NIBAN3: variants seen among roughly 807,000 people sequenced by gnomAD.
The protein encoded by NIBAN3 is niban apoptosis regulator 3, also known as protein Niban 3.
In NIBAN3, 66 loss-of-function variants were observed where a neutral mutation model predicts 76.4. The observed-to-expected ratio is 0.86, with a 90% CI of 0.71 to 1.06. NIBAN3 has a LOEUF of 1.06. NIBAN3 is among the 50% of genes least tolerant of loss of function. NIBAN3 has a pLI of 0.00. For missense variants in NIBAN3, 808 were observed against 810.7 expected (o/e 1.00, Z 0.04); for synonymous variants, 360 against 355.2 (o/e 1.01, Z -0.15).
At position 17,543,543 on chromosome 19, in the gene NIBAN3, G is replaced by A; in HGVS notation, c.1466G>A (p.Gly489Glu). Residue 489 changes from glycine to glutamate, a missense_variant, in exon 12 of 15, where the codon GGG becomes GAG. By Grantham distance (98) the Gly-to-Glu change is moderately conservative. Coordinates refer to ENST00000599164, the MANE Select transcript of NIBAN3 (RefSeq NM_001321827.2). ...GTGCAGAAATTCAAATCGGACAGCG[G>A]GTTGGCGCAGAGGAGGTTCATCCGA... ...RVLKKFKSDS[G>E]LAQRRFIRGW... The A allele has an allele frequency of 1.2e-6, 2 of 1,614,194 alleles. No individual in the cohort carries two copies. The highest frequency in any genetic ancestry group is 1.7e-6 in the Non-Finnish European group (2 of 1,180,044).
chr19:17,550,024 T>G (rs1254283997), intron 14 of NIBAN3, among the ~76,000 whole-genome samples: 1 of 152,088 alleles, frequency 6.6e-6, no homozygotes, highest in East Asian at 1.9e-4. Context: ...TTCACCATGT[T>G]GGCCAGGCTG....
chr19:17,536,186 CTTCTTCTTTTTGTTTTT>C (rs984725668), intron 4 of NIBAN3, among the ~76,000 whole-genome samples: 1 of 152,042 alleles, frequency 6.6e-6, no homozygotes, highest in African/African-American at 2.4e-5. Context: ...CTTTTCTTTT[CTTCTTCTTTTTGTTTTT>C]GGACAGAGTC....
intron 14 of NIBAN3, among the ~76,000 whole-genome samples, chr19:17,550,657 C>A (rs2076139366): frequency 6.6e-6 from 1 of 152,010 alleles, no homozygotes; most frequent in Non-Finnish European, 1.5e-5. Context: ...CAGAGAGAGA[C>A]CCTGTCTCAA....
At chr19:17,540,030 T>G (rs1043458760) in intron 8 of NIBAN3, 7 of 409,206 alleles carry the variant, frequency 1.7e-5, no homozygotes, top group African/African-American at 2.3e-5. Flanking sequence ...GGGGGCTGCT[T>G]GGATACAAAA....
intron 3 of NIBAN3, 33 bp downstream of exon 3, chr19:17,532,421 G>A: frequency 6.2e-7 from 1 of 1,614,084 alleles, no homozygotes; most frequent in South Asian, 1.1e-5. Flanking sequence ...TTCTACTTCT[G>A]GGTCCCTCCT....
At chr19:17,526,300 G>T (rs1342576118), upstream of NIBAN3, among the ~76,000 whole-genome samples, 1 of 150,242 alleles carries the variant, frequency 6.7e-6, no homozygotes, top group Non-Finnish European at 1.5e-5. Context: ...GCGACAGTGC[G>T]AGAGTCTGTC....
At chr19:17,544,873 A>C (rs1184997936) in intron 12 of NIBAN3, among the ~76,000 whole-genome samples, 1 of 152,150 alleles carries the variant, frequency 6.6e-6, no homozygotes, top group African/African-American at 2.4e-5. Context: ...TAATCCCATG[A>C]ATCCTTTCCA....
chr19:17,528,860 A>C (rs545358170), intron 1 of NIBAN3, among the ~76,000 whole-genome samples: 1 of 151,884 alleles, frequency 6.6e-6, no homozygotes, highest in Non-Finnish European at 1.5e-5. Flanking sequence ...TTTTTGGGTC[A>C]AGTCATGACC....
chr19:17,547,088 C>T lies in NIBAN3; in HGVS notation c.1666+291C>T, dbSNP rs559923938. 5.8e-4 allele frequency among the ~76,000 whole-genome samples: 88 copies of T among 152,034 alleles called. 1 individual carries two copies. Among genetic ancestry groups the T allele is most frequent in the African/African-American group, 1.8e-3 (73 of 41,520 alleles). ...CTGATAGAGGCTGGGTGTGGTGGCTCACACCTGTAATCCCAGCACTTTGGA... is the reference window on the plus strand; with the variant it reads ...CTGATAGAGGCTGGGTGTGGTGGCTTACACCTGTAATCCCAGCACTTTGGA... On this transcript the variant is annotated intron_variant, in intron 13 of 14. Coordinates refer to ENST00000599164, the MANE Select transcript of NIBAN3 (RefSeq NM_001321827.2).
intron 8 of NIBAN3, 83 bp downstream of exon 8, chr19:17,539,848 C>T: frequency 3.9e-6 from 4 of 1,018,890 alleles, no homozygotes; most frequent in Non-Finnish European, 4.0e-6. Context: ...GAAGAATGGG[C>T]TTGAAGTTAT....
chr19:17,527,029 G>A (rs113620315), upstream of NIBAN3, among the ~76,000 whole-genome samples: 1,288 of 152,082 alleles, frequency 8.5e-3, 17 homozygotes, highest in African/African-American at 0.029. Flanking sequence ...CATACACAAC[G>A]ACTGCTGGCC....
downstream of NIBAN3, chr19:17,553,871 C>CTTTT (rs368209352): frequency 1.6e-4 from 22 of 141,152 alleles, no homozygotes; most frequent in South Asian, 7.1e-4. Context: ...TTGTTTTTAC[C>CTTTT]TTTTTTTTTT....
At position 17,553,279 on chromosome 19, in the gene NIBAN3, C is replaced by T. The variant is rs187823434; in HGVS notation, c.*1381C>T. On this transcript the variant is annotated 3_prime_UTR_variant, in exon 15 of 15. Transcript: ENST00000599164. The stretch of plus-strand genomic sequence containing the variant: ...TTACAGATTTTGGGGTTTTTTTCTC[C>T]GCTTGCTGTGAGCCTTTTGGGTTTG... 1.2e-4 allele frequency: 194 copies of T among 1,601,878 alleles called. 1 individual carries two copies. The Admixed American group carries it at 1.3e-3, about 11-fold the overall frequency.
rs778752017 is a variant in NIBAN3 at position 17,543,504 on chromosome 19, C to T, written c.1447-20C>T. On this transcript the variant is annotated intron_variant, in intron 11 of 14. Transcript: ENST00000599164. Reference sequence around the variant, plus strand: ...GGTGCTCAGATGGTTGCTGGACGCACCGCTGGGTGTGTTGTGCAGAAATTC... The same window carrying T: ...GGTGCTCAGATGGTTGCTGGACGCATCGCTGGGTGTGTTGTGCAGAAATTC... The T allele has an allele frequency of 4.3e-6, 7 of 1,613,550 alleles. No homozygotes were observed. The South Asian group carries it at 4.4e-5, about 10-fold the overall frequency.
intron 5 of NIBAN3, 103 bp downstream of exon 5, chr19:17,537,646 C>T: frequency 8.3e-7 from 1 of 1,210,232 alleles, no homozygotes; most frequent in Non-Finnish European, 1.1e-6. Flanking sequence ...CTTTCTTTAC[C>T]CAGAAAATGG....
intron 4 of NIBAN3, among the ~76,000 whole-genome samples, chr19:17,535,745 CAAA>C (rs1163900162): frequency 5.8e-5 from 5 of 86,002 alleles, no homozygotes; most frequent in South Asian, 4.1e-4. Context: ...AAGACTCTGT[CAAA>C]AAAAAAAAAA....
chr19:17,530,282 G>C (rs8107745), intron 1 of NIBAN3, among the ~76,000 whole-genome samples: 52,245 of 151,218 alleles, frequency 0.35, 10,515 homozygotes, highest in African/African-American at 0.56. Context: ...GATCGTGCCA[G>C]CGCACTCCAG....
chr19:17,523,903 T>G (rs991010446), upstream of NIBAN3, among the ~76,000 whole-genome samples: 6 of 152,156 alleles, frequency 3.9e-5, no homozygotes, highest in African/African-American at 1.4e-4. Flanking sequence ...CTTTCTTTTT[T>G]GGGGGGACAC....
Position 17,537,442 on chromosome 19 carries a change from A to C in NIBAN3, c.494A>C (p.Gln165Pro). 3 of 1,614,116 alleles carry C rather than the reference A, an allele frequency of 1.9e-6. No homozygotes were observed. Among genetic ancestry groups the C allele is most frequent in the African/African-American group, 1.3e-5 (1 of 75,046 alleles). ...CCTGTGAGCTTCCCGCTGTTCCTGC[A>C]GCACCCCTTCCGCCGGCACCTCTGC... ...EVPVSFPLFL[Q>P]HPFRRHLCFS... The change falls in exon 5 of 15, where the codon CAG becomes CCG. Residue 165 changes from glutamine (Q) to proline (P), a missense_variant. Coordinates refer to ENST00000599164, the MANE Select transcript of NIBAN3 (RefSeq NM_001321827.2).
Sources: allele counts gnomAD v4.1 joint callset (sites outside exome capture counted in the v4.1 genomes callset), GRCh38; gene constraint gnomAD v4.1.1; transcripts MANE v1.5; gene names NCBI Gene and HGNC (gene_info 2026-07-23, HGNC 2026-07-21).